Variants in ADAMTS3 observed in about 807,000 individuals in gnomAD.
ADAMTS3 encodes the protein ADAM metallopeptidase with thrombospondin type 1 motif 3.
ADAMTS3 carries 73 observed loss-of-function variants against 129.0 expected under a neutral mutation model. The ratio of observed to expected loss-of-function variants is 0.57; its 90% CI spans 0.47 to 0.69. The LOEUF is 0.69. Ranked by LOEUF, ADAMTS3 falls within the 30% of genes least tolerant of loss-of-function variation. ADAMTS3 has a pLI of 0.00. For missense variants in ADAMTS3, 1,457 were observed against 1,514.5 expected, an observed-to-expected ratio of 0.96 and a Z score of 0.63; for synonymous variants, 477 against 510.8, an observed-to-expected ratio of 0.93 and a Z score of 0.89.
chr4:72,460,455 T>C (rs1383927), intron 3 of ADAMTS3, among the ~76,000 whole-genome samples: 147,466 of 151,496 alleles, frequency 0.97, 71,916 homozygotes, highest in South Asian at 1. Flanking sequence ...ACCTGAAATA[T>C]GCACATTTAA....
chr4:72,552,548 G>C (rs758995992), intron 2 of ADAMTS3, among the ~76,000 whole-genome samples: 1 of 152,092 alleles, frequency 6.6e-6, no homozygotes, highest in African/African-American at 2.4e-5. Flanking sequence ...CCTTGCTTCT[G>C]CTCTTCCCCT....
intron 3 of ADAMTS3, among the ~76,000 whole-genome samples, chr4:72,532,376 A>AG: frequency 6.6e-6 from 1 of 152,232 alleles, no homozygotes; most frequent in East Asian, 1.9e-4. Flanking sequence ...AGGACTTTCC[A>AG]GGGAAATGGA....
At chr4:72,529,546 CTG>C (rs1435753058) in intron 3 of ADAMTS3, among the ~76,000 whole-genome samples, 1 of 148,492 alleles carries the variant, frequency 6.7e-6, no homozygotes, top group Non-Finnish European at 1.5e-5. Flanking sequence ...AAATGAATCT[CTG>C]TATCTGGAGA....
intron 4 of ADAMTS3, among the ~76,000 whole-genome samples, chr4:72,387,314 G>T (rs72852010): frequency 0.013 from 2,031 of 152,180 alleles, 42 homozygotes; most frequent in African/African-American, 0.046. Flanking sequence ...CAGAGATTTG[G>T]TCTCTCTCCA....
chr4:72,290,454 C>T (rs1718627180), intron 20 of ADAMTS3, among the ~76,000 whole-genome samples: 1 of 152,046 alleles, frequency 6.6e-6, no homozygotes, highest in Non-Finnish European at 1.5e-5. Flanking sequence ...CAAGCATGGT[C>T]TGTTTGGAAC....
chr4:72,528,214 TA>T (rs71821571), intron 3 of ADAMTS3, among the ~76,000 whole-genome samples: 23 of 148,422 alleles, frequency 1.5e-4, no homozygotes, highest in East Asian at 5.9e-4. Flanking sequence ...ATTCTCTCTT[TA>T]AAAAAAAAAA....
chr4:72,534,297 A>T (rs1375957987), intron 3 of ADAMTS3, among the ~76,000 whole-genome samples: 3 of 152,074 alleles, frequency 2.0e-5, no homozygotes, highest in African/African-American at 7.2e-5. Flanking sequence ...ACTGCACTCC[A>T]GCATGGGCGA....
At chr4:72,345,699 C>T (rs983016291) in intron 4 of ADAMTS3, among the ~76,000 whole-genome samples, 9 of 152,058 alleles carry the variant, frequency 5.9e-5, no homozygotes, top group African/African-American at 1.7e-4. Flanking sequence ...CCCAAAAGTT[C>T]TAATTCTAAC....
chr4:72,360,130 C>G (rs542080454), intron 4 of ADAMTS3, among the ~76,000 whole-genome samples: 1 of 152,160 alleles, frequency 6.6e-6, no homozygotes, highest in Non-Finnish European at 1.5e-5. Context: ...TGTGTAATCA[C>G]TCAGACTGCT....
chr4:72,527,033 G>A (rs1479958354), intron 3 of ADAMTS3, among the ~76,000 whole-genome samples: 1 of 151,986 alleles, frequency 6.6e-6, no homozygotes. Flanking sequence ...GAACACAATA[G>A]TTAGTATTCA....
chr4:72,548,591 T>A lies in ADAMTS3; in HGVS notation c.391A>T (p.Ser131Cys), dbSNP rs894422387. 6.2e-7 allele frequency: 1 copy of A among 1,613,920 alleles called. No individual in the cohort carries two copies. The highest frequency in any genetic ancestry group is 1.7e-5 in the Admixed American group (1 of 59,984). The change falls in exon 3 of 22, where the codon AGT (serine) becomes TGT (cysteine). Residue 131 changes from serine to cysteine, a missense_variant. Physicochemically the swap from Ser to Cys is moderately radical, Grantham distance 112 (BLOSUM62 -1). Coordinates refer to ENST00000286657, the MANE Select transcript of ADAMTS3 (RefSeq NM_014243.3). ...GTTCTCCGGATTCTATACGTAGCAC[T>A]TCCTGGTTGATGGTTGTTAATGGGA... ...TDPINNHQPG[S>C]ATYRIRRTEP...
intron 20 of ADAMTS3, 57 bp downstream of exon 20, chr4:72,290,797 AT>A: frequency 6.5e-7 from 1 of 1,549,140 alleles, no homozygotes; most frequent in South Asian, 1.1e-5. Flanking sequence ...AAATTAAAAT[AT>A]CTACACATGC....
At chr4:72,393,282 C>T (rs1417842960) in intron 4 of ADAMTS3, among the ~76,000 whole-genome samples, 2 of 152,036 alleles carry the variant, frequency 1.3e-5, no homozygotes. Context: ...CATATAATCT[C>T]GATATGTTAG....
intron 4 of ADAMTS3, among the ~76,000 whole-genome samples, chr4:72,368,209 G>T (rs1451321181): frequency 6.6e-6 from 1 of 152,104 alleles, no homozygotes; most frequent in East Asian, 1.9e-4. Flanking sequence ...ACAAAATTGA[G>T]ATGGCTTTCT....
chr4:72,486,711 C>G (rs1051083460), intron 3 of ADAMTS3, among the ~76,000 whole-genome samples: 6 of 152,082 alleles, frequency 3.9e-5, no homozygotes, highest in South Asian at 2.1e-4. Context: ...AGTTTAAGAA[C>G]AAAAAGTGCC....
intron 4 of ADAMTS3, among the ~76,000 whole-genome samples, chr4:72,347,150 C>T (rs1047962344): frequency 1.3e-5 from 2 of 151,992 alleles, no homozygotes; most frequent in Admixed American, 1.3e-4. Context: ...GTGGAGACTA[C>T]TAATAGAGAA....
Position 72,319,469 on chromosome 4 carries a change from T to G in ADAMTS3, c.1215A>C (p.Gly405=). ...VVAHETGHVL[G]MEHDGQGNRC... ...TGTTGCCTTGTCCATCATGCTCCAT[T>G]CCCAACCTAGAACACAAAGAGACCT... The change falls in exon 9 of 22, where the codon GGA becomes GGC. Residue 405 remains glycine (G), a synonymous_variant. Transcript: ENST00000286657. 1 of 1,611,832 alleles carries G rather than the reference T, an allele frequency of 6.2e-7. No individual in the cohort carries two copies. The highest frequency in any genetic ancestry group is 1.7e-4 in the Middle Eastern group (1 of 6,046).
At chr4:72,389,416 A>G (rs1181746088) in intron 4 of ADAMTS3, among the ~76,000 whole-genome samples, 1 of 152,192 alleles carries the variant, frequency 6.6e-6, no homozygotes, top group East Asian at 1.9e-4. Flanking sequence ...TAAAACAAAC[A>G]TGGAAAAATA....
At chr4:72,293,855 TA>T (rs1718739086) in intron 19 of ADAMTS3, among the ~76,000 whole-genome samples, 1 of 151,980 alleles carries the variant, frequency 6.6e-6, no homozygotes, top group African/African-American at 2.4e-5. Flanking sequence ...CCAGAAGAGA[TA>T]AAAGAATACA....
Sources: gnomAD v4.1 joint callset for allele counts (sites outside exome capture counted in the v4.1 genomes callset) on GRCh38, gnomAD v4.1.1 for gene constraint, MANE v1.5 for transcripts, NCBI Gene and HGNC (gene_info 2026-07-23, HGNC 2026-07-21) for gene names.